IL1RAPL1: variants seen among roughly 807,000 people sequenced by gnomAD.
IL1RAPL1 encodes interleukin 1 receptor accessory protein like 1.
In IL1RAPL1, 3 loss-of-function variants were observed where a neutral mutation model predicts 48.4. That is an observed-to-expected ratio of 0.06 (90% confidence interval 0.03 to 0.16). IL1RAPL1 has a LOEUF of 0.16. IL1RAPL1 is among the 10% of genes least tolerant of loss of function. The pLI, the probability that IL1RAPL1 is intolerant of heterozygous loss-of-function variation, is 1.00. For synonymous variants in IL1RAPL1, 185 were observed against 187.7 expected, an observed-to-expected ratio of 0.99 and a Z score of 0.12; for missense variants, 349 against 530.6, an observed-to-expected ratio of 0.66 and a Z score of 3.36.
intron 2 of IL1RAPL1, among the ~76,000 whole-genome samples, chrX:29,136,668 T>A (rs1207320139): frequency 4.5e-5 from 5 of 111,462 alleles, no homozygotes; most frequent in African/African-American, 1.6e-4. Flanking sequence ...AGCCTCACTG[T>A]GTGATCTTGA....
chrX:29,169,505 A>G (rs1293453578), intron 2 of IL1RAPL1, among the ~76,000 whole-genome samples: 1 of 110,931 alleles, frequency 9.0e-6, no homozygotes, highest in Admixed American at 9.8e-5. Context: ...TATGAAAAAA[A>G]TGACAGAAAC....
chrX:29,348,353 C>T (rs764300306), intron 3 of IL1RAPL1, among the ~76,000 whole-genome samples: 238 of 111,800 alleles, frequency 2.1e-3, no homozygotes, highest in Non-Finnish European at 3.4e-3. Context: ...AATAAAACAG[C>T]TTGGCAGAAA....
chrX:28,913,416 C>G (rs1164502748), intron 2 of IL1RAPL1, among the ~76,000 whole-genome samples: 1 of 111,550 alleles, frequency 9.0e-6, no homozygotes, highest in Non-Finnish European at 1.9e-5. Context: ...CAGTGTGTTG[C>G]CTTTGAAAGG....
intron 3 of IL1RAPL1, among the ~76,000 whole-genome samples, chrX:29,386,587 G>T (rs1003239132): frequency 6.6e-5 from 7 of 106,089 alleles, no homozygotes; most frequent in African/African-American, 2.4e-4. Context: ...TCTTTCACCA[G>T]GCTGGAGGGC....
chrX:29,804,377 T>C (rs1930202571), intron 6 of IL1RAPL1, among the ~76,000 whole-genome samples: 1 of 111,499 alleles, frequency 9.0e-6, no homozygotes, highest in Non-Finnish European at 1.9e-5. Context: ...GAAGAGATAC[T>C]GATATAGTTT....
At chrX:29,614,024 A>G (rs1164028769) in intron 5 of IL1RAPL1, among the ~76,000 whole-genome samples, 1 of 109,791 alleles carries the variant, frequency 9.1e-6, no homozygotes, top group African/African-American at 3.3e-5. Flanking sequence ...CGGCCTCCCA[A>G]AGTCCTGGAT....
intron 5 of IL1RAPL1, among the ~76,000 whole-genome samples, chrX:29,457,853 C>T (rs186145726): frequency 1.8e-5 from 2 of 112,473 alleles, no homozygotes; most frequent in Admixed American, 1.9e-4. Context: ...GCCTCACCAG[C>T]ATCTGTTATT....
intron 1 of IL1RAPL1, among the ~76,000 whole-genome samples, chrX:28,676,606 G>A (rs1466930783): frequency 9.1e-6 from 1 of 109,717 alleles, no homozygotes; most frequent in African/African-American, 3.3e-5. Context: ...GGTGGCGCTC[G>A]CCTATCCTCT....
chrX:28,964,108 CT>C (rs1051594074), intron 2 of IL1RAPL1, among the ~76,000 whole-genome samples: 1 of 111,045 alleles, frequency 9.0e-6, no homozygotes, highest in Non-Finnish European at 1.9e-5. Context: ...TTTAATACTT[CT>C]TTTAGTTTTA....
intron 5 of IL1RAPL1, among the ~76,000 whole-genome samples, chrX:29,571,648 CAT>C (rs1922599855): frequency 9.0e-6 from 1 of 111,573 alleles, no homozygotes; most frequent in Non-Finnish European, 1.9e-5. Flanking sequence ...TACTGAGAAA[CAT>C]AGAAATAATT....
chrX:29,476,616 C>A (rs1476690789), intron 5 of IL1RAPL1, among the ~76,000 whole-genome samples: 1 of 110,145 alleles, frequency 9.1e-6, no homozygotes, highest in Non-Finnish European at 1.9e-5. Flanking sequence ...TGACAAGTCC[C>A]AAAATATTAT....
At chrX:29,634,395 G>A (rs1043294434) in intron 5 of IL1RAPL1, among the ~76,000 whole-genome samples, 20 of 111,866 alleles carry the variant, frequency 1.8e-4, no homozygotes, top group Middle Eastern at 4.6e-3. Context: ...AGGAGTCAAA[G>A]TGGCTCTGGA....
At chrX:28,730,992 A>G (rs1156465870) in intron 1 of IL1RAPL1, among the ~76,000 whole-genome samples, 3 of 111,335 alleles carry the variant, frequency 2.7e-5, no homozygotes, top group Non-Finnish European at 5.6e-5. Flanking sequence ...ACAAGTAGGA[A>G]GTGACTCAGA....
intron 6 of IL1RAPL1, among the ~76,000 whole-genome samples, chrX:29,811,151 C>T (rs1468580251): frequency 9.1e-6 from 1 of 110,371 alleles, no homozygotes; most frequent in East Asian, 2.8e-4. Context: ...CAGTGATTCT[C>T]CTGTTATATG....
intron 5 of IL1RAPL1, among the ~76,000 whole-genome samples, chrX:29,470,777 G>A (rs1310310623): frequency 1.8e-5 from 2 of 110,308 alleles, no homozygotes; most frequent in Non-Finnish European, 3.8e-5. Context: ...GGGACTACAA[G>A]TATGCATCGT....
At chrX:28,933,997 C>T (rs774422135) in intron 2 of IL1RAPL1, among the ~76,000 whole-genome samples, 1 of 111,329 alleles carries the variant, frequency 9.0e-6, no homozygotes, top group African/African-American at 3.3e-5. Flanking sequence ...TCATTGCCAT[C>T]TTCGGTTTGG....
intron 3 of IL1RAPL1, among the ~76,000 whole-genome samples, chrX:29,306,530 G>GAAAAAAAAAAAA: frequency 3.0e-5 from 1 of 33,445 alleles, no homozygotes; most frequent in Non-Finnish European, 4.6e-5. Context: ...TCTGTCAAAA[G>GAAAAAAAAAAAA]AAAAAAAAAA....
intron 2 of IL1RAPL1, among the ~76,000 whole-genome samples, chrX:29,090,674 A>T (rs1474059559): frequency 1.8e-5 from 2 of 112,029 alleles, no homozygotes; most frequent in African/African-American, 6.5e-5. Context: ...CTCAGTCAGA[A>T]ATCAGGCTGT....
intron 5 of IL1RAPL1, among the ~76,000 whole-genome samples, chrX:29,640,759 T>C (rs989296408): frequency 8.9e-6 from 1 of 112,424 alleles, no homozygotes; most frequent in African/African-American, 3.2e-5. Context: ...ATCTGGACGA[T>C]TGTAATTGCC....
Sources: allele counts gnomAD v4.1 joint callset (sites outside exome capture counted in the v4.1 genomes callset), GRCh38; gene constraint gnomAD v4.1.1; transcripts MANE v1.5; gene names NCBI Gene and HGNC (gene_info 2026-07-23, HGNC 2026-07-21).